Variants in ARFIP1 observed in about 807,000 individuals in gnomAD.
The protein encoded by ARFIP1 is arfaptin-1.
ARFIP1 carries 24 observed loss-of-function variants against 42.5 expected under a neutral mutation model. That is an observed-to-expected ratio of 0.57 (90% CI 0.41 to 0.80). The LOEUF (loss-of-function observed/expected upper bound fraction) is 0.80. Ranked by LOEUF, ARFIP1 falls within the 30% of genes least tolerant of loss-of-function variation. The probability of loss-of-function intolerance (pLI) is 0.00; values close to 1 mark genes in which losing one functional copy is unlikely to be tolerated. For synonymous variants in ARFIP1, 141 were observed against 153.7 expected, an observed-to-expected ratio of 0.92 and a Z score of 0.61; for missense variants, 354 against 434.0, an observed-to-expected ratio of 0.82 and a Z score of 1.64.
intron 2 of ARFIP1, among the ~76,000 whole-genome samples, chr4:152,847,188 A>G (rs894559328): frequency 8.0e-6 from 1 of 124,774 alleles, no homozygotes; most frequent in African/African-American, 3.1e-5. Context: ...GCCGGAGTGC[A>G]ATGGTGTGAT....
chr4:152,846,168 A>G (rs907924569), intron 2 of ARFIP1, among the ~76,000 whole-genome samples: 1 of 152,222 alleles, frequency 6.6e-6, no homozygotes, highest in African/African-American at 2.4e-5. Flanking sequence ...ACTCATGGAC[A>G]TAAAGATGGC....
chr4:152,856,385 G>A (rs1270715535), intron 2 of ARFIP1, among the ~76,000 whole-genome samples: 3 of 151,956 alleles, frequency 2.0e-5, no homozygotes, highest in Non-Finnish European at 4.4e-5. Flanking sequence ...CACATCCACA[G>A]ATTCAACCAA....
intron 2 of ARFIP1, among the ~76,000 whole-genome samples, chr4:152,834,203 G>T (rs1229686984): frequency 6.6e-6 from 1 of 152,156 alleles, no homozygotes; most frequent in Non-Finnish European, 1.5e-5. Context: ...CCATGATCCA[G>T]TCACTTCCCA....
At chr4:152,790,152 T>C (rs1227463941) in intron 1 of ARFIP1, among the ~76,000 whole-genome samples, 4 of 152,246 alleles carry the variant, frequency 2.6e-5, no homozygotes, top group Admixed American at 6.5e-5. Context: ...TTCAGTTTAT[T>C]TCCTGTGAGC....
rs1738265737 is a variant in ARFIP1 at position 152,905,550 on chromosome 4, T to TTTTTTTTTTTTTG, written c.967-4502_967-4501insGTTTTTTTTTTTT. 1.9e-5 allele frequency among the ~76,000 whole-genome samples: 2 copies of TTTTTTTTTTTTTG among 105,224 alleles called. 1 individual carries two copies. Among genetic ancestry groups the TTTTTTTTTTTTTG allele is most frequent in the Non-Finnish European group, 4.0e-5 (2 of 49,916 alleles). 69.0% of individuals were successfully genotyped at this position (105,224 alleles called of 152,430 possible). A position where few individuals can be genotyped will look rare whatever the true frequency, so the allele number is the denominator to read the frequency against. ...CTTACTGAATTGTAAGAATTGTTTT[T>TTTTTTTTTTTTTG]TTTTTTTTTTTTTTTTTTTTGAGAT... On this transcript the variant is annotated intron_variant, in intron 8 of 8. Transcript: ENST00000353617.
chr4:152,797,730 A>G (rs1731554725), intron 1 of ARFIP1, among the ~76,000 whole-genome samples: 3 of 151,932 alleles, frequency 2.0e-5, no homozygotes, highest in African/African-American at 7.3e-5. Flanking sequence ...CTCTGCCATT[A>G]TTTTCCCTGA....
chr4:152,837,868 G>A (rs1038794540), intron 2 of ARFIP1, among the ~76,000 whole-genome samples: 1 of 152,148 alleles, frequency 6.6e-6, no homozygotes, highest in Non-Finnish European at 1.5e-5. Flanking sequence ...GTGTCCAGAA[G>A]GGTTTTTCCA....
At chr4:152,852,627 G>A (rs1422701126) in intron 2 of ARFIP1, among the ~76,000 whole-genome samples, 3 of 148,778 alleles carry the variant, frequency 2.0e-5, no homozygotes, top group Non-Finnish European at 4.4e-5. Flanking sequence ...GCGAGACTCC[G>A]TCTCAAAAAA....
Position 152,910,222 on chromosome 4 carries a change from T to G in ARFIP1, c.*3T>G, listed in dbSNP as rs1561190893. The G allele has an allele frequency of 1.2e-6, 2 of 1,607,312 alleles. No homozygotes were observed. Among genetic ancestry groups the G allele is most frequent in the East Asian group, 4.5e-5 (2 of 44,758 alleles). On this transcript the variant is annotated 3_prime_UTR_variant, in exon 9 of 9. Coordinates refer to ENST00000353617, the MANE Select transcript of ARFIP1 (RefSeq NM_001025595.3). ...CATCTTGGCTTGAAGAACAGTAAAA[T>G]CACAGCGGAAAATAAAAAGAAAGTC... is the stretch of plus-strand genomic sequence containing the variant.
At chr4:152,818,888 A>G (rs1483559447) in intron 1 of ARFIP1, among the ~76,000 whole-genome samples, 2 of 152,252 alleles carry the variant, frequency 1.3e-5, no homozygotes, top group South Asian at 2.1e-4. Flanking sequence ...TTGTACAACA[A>G]AAGCATGTGC....
At chr4:152,872,200 TTTTG>T (rs760671968) in intron 4 of ARFIP1, among the ~76,000 whole-genome samples, 17 of 152,268 alleles carry the variant, frequency 1.1e-4, no homozygotes, top group South Asian at 6.2e-4. Flanking sequence ...GCAAGAGTTT[TTTTG>T]TTTGTTTGTT....
chr4:152,829,628 T>G lies in ARFIP1; in HGVS notation c.-6T>G, dbSNP rs1012309715. 3.7e-6 allele frequency: 6 copies of G among 1,607,630 alleles called. No homozygotes were observed. Among genetic ancestry groups the G allele is most frequent in the Non-Finnish European group, 5.1e-6 (6 of 1,177,030 alleles). ...TTTTTTTCTTCTTTTGTTTTAGGAG[T>G]CTACCATGGCTCAAGAATCTCCCAA... On this transcript the variant is annotated 5_prime_UTR_variant, in exon 2 of 9. Transcript: ENST00000353617.
Position 152,833,309 on chromosome 4 carries a change from A to G in ARFIP1, c.93+3583A>G, listed in dbSNP as rs1168374139. On this transcript the variant is annotated intron_variant, in intron 2 of 8. Coordinates refer to ENST00000353617, the MANE Select transcript of ARFIP1 (RefSeq NM_001025595.3). ...AAGGTGCTCAACATCACTAATCATC[A>G]GAGAAATGCTAATCAAAACCTCAGT... 3.9e-5 allele frequency among the ~76,000 whole-genome samples: 6 copies of G among 152,126 alleles called. No individual in the cohort carries two copies. The East Asian group carries it at 1.2e-3, about 29-fold the overall frequency.
chr4:152,857,521 G>A (rs1297052413), intron 2 of ARFIP1, among the ~76,000 whole-genome samples: 1 of 152,174 alleles, frequency 6.6e-6, no homozygotes, highest in Non-Finnish European at 1.5e-5. Flanking sequence ...GGGAGTGAAA[G>A]CACTTCAAGT....
intron 1 of ARFIP1, among the ~76,000 whole-genome samples, chr4:152,795,413 A>G (rs554878401): frequency 1.3e-5 from 2 of 152,210 alleles, no homozygotes; most frequent in Admixed American, 6.5e-5. Flanking sequence ...TCACTTTCCT[A>G]TGTGCCATAT....
At chr4:152,899,136 C>G (rs1314696499) in intron 8 of ARFIP1, among the ~76,000 whole-genome samples, 2 of 152,148 alleles carry the variant, frequency 1.3e-5, no homozygotes, top group Admixed American at 6.5e-5. Context: ...TCCCTCCACC[C>G]CCTCCAACAT....
At chr4:152,882,648 G>A (rs1561167813) in intron 6 of ARFIP1, 75 bp from the exon 7 acceptor site, 2 of 1,389,078 alleles carry the variant, frequency 1.4e-6, no homozygotes, top group Middle Eastern at 4.2e-4. Flanking sequence ...TTTCCCATTA[G>A]TGACGTGCTT....
chr4:152,790,979 C>T (rs577806388), intron 1 of ARFIP1, among the ~76,000 whole-genome samples: 2 of 151,924 alleles, frequency 1.3e-5, no homozygotes, highest in African/African-American at 4.8e-5. Context: ...CTTAAGTGAT[C>T]CACTGGCCTT....
chr4:152,890,970 T>C (rs1351691979), intron 8 of ARFIP1, among the ~76,000 whole-genome samples: 1 of 152,186 alleles, frequency 6.6e-6, no homozygotes, highest in Non-Finnish European at 1.5e-5. Context: ...GAGAATTATT[T>C]CTTTCAGTTC....
Sources: allele counts gnomAD v4.1 joint callset (sites outside exome capture counted in the v4.1 genomes callset), GRCh38; gene constraint gnomAD v4.1.1; transcripts MANE v1.5; gene names NCBI Gene and HGNC (gene_info 2026-07-23, HGNC 2026-07-21).